FGGY: variants seen among roughly 807,000 people sequenced by gnomAD.
FGGY encodes FGGY carbohydrate kinase domain containing.
Under a neutral mutation model 71.3 loss-of-function variants are expected in FGGY, and 72 were observed. The ratio of observed to expected loss-of-function variants is 1.01; its 90% CI spans 0.84 to 1.23. The LOEUF (loss-of-function observed/expected upper bound fraction) is 1.23, where lower values mean the gene tolerates loss of function less well. Ranked by LOEUF, FGGY falls within the 50% of genes most tolerant of loss-of-function variation. The pLI is 0.00. For missense variants in FGGY, 668 were observed against 682.3 expected (o/e 0.98, Z 0.23); for synonymous variants, 251 against 250.3 (o/e 1.00, Z -0.02).
intron 8 of FGGY, among the ~76,000 whole-genome samples, chr1:59,585,350 C>T (rs996549070): frequency 1.3e-4 from 20 of 152,120 alleles, no homozygotes; most frequent in Non-Finnish European, 2.8e-4. Context: ...GAACAGAGCC[C>T]TCAGAAATAA....
intron 5 of FGGY, among the ~76,000 whole-genome samples, chr1:59,446,466 C>T (rs1287991403): frequency 2.6e-5 from 4 of 152,170 alleles, no homozygotes; most frequent in African/African-American, 9.7e-5. Context: ...TGATGAAGTA[C>T]AGAGCCAATA....
intron 5 of FGGY, among the ~76,000 whole-genome samples, chr1:59,397,775 C>T (rs2061492960): frequency 6.6e-6 from 1 of 152,188 alleles, no homozygotes; most frequent in Admixed American, 6.5e-5. Context: ...CACGGGACAG[C>T]ATTTTTACTT....
At chr1:59,382,987 CA>C in intron 5 of FGGY, among the ~76,000 whole-genome samples, 1 of 152,246 alleles carries the variant, frequency 6.6e-6, no homozygotes, top group African/African-American at 2.4e-5. Context: ...CATGCATACA[CA>C]CGGTGGACTA....
chr1:59,520,287 G>A (rs921875165), intron 7 of FGGY, among the ~76,000 whole-genome samples: 3 of 152,186 alleles, frequency 2.0e-5, no homozygotes, highest in Non-Finnish European at 2.9e-5. Flanking sequence ...GTAGTTGTGA[G>A]ATTAAGAAAA....
intron 5 of FGGY, among the ~76,000 whole-genome samples, chr1:59,385,694 C>T (rs1054747446): frequency 7.9e-5 from 12 of 151,828 alleles, no homozygotes; most frequent in Middle Eastern, 6.8e-3. Flanking sequence ...AAGAAAAAGT[C>T]GTACAAAATA....
intron 8 of FGGY, among the ~76,000 whole-genome samples, chr1:59,576,292 CA>C (rs2096073972): frequency 6.6e-6 from 1 of 152,006 alleles, no homozygotes; most frequent in Non-Finnish European, 1.5e-5. Flanking sequence ...AGCAAACTAA[CA>C]CAGGAACAGA....
chr1:59,341,107 G>A (rs1182126220), intron 3 of FGGY, among the ~76,000 whole-genome samples: 1 of 152,194 alleles, frequency 6.6e-6, no homozygotes, highest in East Asian at 1.9e-4. Context: ...TGGAATTAGA[G>A]TTAGGCGGGG....
chr1:59,535,960 G>A (rs1243532181), intron 7 of FGGY, among the ~76,000 whole-genome samples: 3 of 148,404 alleles, frequency 2.0e-5, no homozygotes, highest in Admixed American at 1.3e-4. Flanking sequence ...AAAGCTAGCA[G>A]AAGGCAAGAA....
At chr1:59,636,659 G>A (rs1291984105) in intron 10 of FGGY, among the ~76,000 whole-genome samples, 3 of 151,972 alleles carry the variant, frequency 2.0e-5, no homozygotes, top group Admixed American at 6.6e-5. Context: ...ATAAGTAAAG[G>A]AGTTCTACTG....
intron 14 of FGGY, among the ~76,000 whole-genome samples, chr1:59,675,254 C>T (rs1051053350): frequency 6.6e-6 from 1 of 152,126 alleles, no homozygotes; most frequent in Admixed American, 6.5e-5. Flanking sequence ...TATCTAGTAG[C>T]TCAGTAATTA....
rs564583325 is a variant in FGGY, at chr1:59,613,757, T to C, written c.1011+5847T>C. ...AAAATTGATAGAACGCTAGCAAGAC[T>C]AATGAAGAAGAAAAGAGAGAAGAAT... is the stretch of plus-strand genomic sequence containing the variant. On this transcript the variant is annotated intron_variant, in intron 9 of 15. Transcript: ENST00000303721. Among the ~76,000 whole-genome samples the C allele has an allele frequency of 2.1e-4, 32 of 151,970 alleles. 2 individuals are homozygous for C. The South Asian group carries it at 6.7e-3, about 32-fold the overall frequency.
intron 7 of FGGY, among the ~76,000 whole-genome samples, chr1:59,528,125 G>C (rs1228716894): frequency 6.6e-6 from 1 of 152,200 alleles, no homozygotes; most frequent in East Asian, 1.9e-4. Flanking sequence ...AGACTAATTA[G>C]ACTCAACGTT....
intron 6 of FGGY, among the ~76,000 whole-genome samples, chr1:59,494,123 C>G (rs980127207): frequency 6.6e-6 from 1 of 152,088 alleles, no homozygotes; most frequent in African/African-American, 2.4e-5. Context: ...CTTTTTCATT[C>G]CAGCACTCTT....
intron 8 of FGGY, among the ~76,000 whole-genome samples, chr1:59,590,449 T>A (rs1293327854): frequency 6.6e-6 from 1 of 152,162 alleles, no homozygotes; most frequent in Admixed American, 6.5e-5. Context: ...GAGGCCAGAA[T>A]CATCCTGATA....
intron 6 of FGGY, among the ~76,000 whole-genome samples, chr1:59,463,278 G>A (rs2092383200): frequency 6.6e-6 from 1 of 152,124 alleles, no homozygotes; most frequent in South Asian, 2.1e-4. Flanking sequence ...ATAAGTGAAG[G>A]AGAAATAAAA....
At chr1:59,394,068 G>A (rs2061024235) in intron 5 of FGGY, among the ~76,000 whole-genome samples, 1 of 152,132 alleles carries the variant, frequency 6.6e-6, no homozygotes, top group African/African-American at 2.4e-5. Flanking sequence ...GGGATCTGTT[G>A]GGGGAAAAGT....
intron 7 of FGGY, among the ~76,000 whole-genome samples, chr1:59,551,519 T>C (rs955553007): frequency 6.6e-6 from 1 of 152,168 alleles, no homozygotes; most frequent in Non-Finnish European, 1.5e-5. Flanking sequence ...TCCTTTTCTG[T>C]CAAGGATCTC....
intron 8 of FGGY, among the ~76,000 whole-genome samples, chr1:59,558,277 A>G (rs1006742141): frequency 1.3e-5 from 2 of 152,244 alleles, no homozygotes; most frequent in Admixed American, 6.5e-5. Context: ...GACTAGAATT[A>G]GAGACATCAG....
chr1:59,330,360 G>A (rs910141841), intron 2 of FGGY, among the ~76,000 whole-genome samples: 5 of 152,108 alleles, frequency 3.3e-5, no homozygotes, highest in African/African-American at 1.2e-4. Flanking sequence ...CATGAGGTCA[G>A]GAGTTTGAGA....
Sources: allele counts gnomAD v4.1 joint callset (sites outside exome capture counted in the v4.1 genomes callset), GRCh38; gene constraint gnomAD v4.1.1; transcripts MANE v1.5; gene names NCBI Gene and HGNC (gene_info 2026-07-23, HGNC 2026-07-21).